SPATA13: variants seen among roughly 807,000 people sequenced by gnomAD.
The protein encoded by SPATA13 is spermatogenesis associated 13.
In SPATA13, 50 loss-of-function variants were observed where a neutral mutation model predicts 104.0. That is an observed-to-expected ratio of 0.48 (90% CI 0.38 to 0.61). The LOEUF (loss-of-function observed/expected upper bound fraction) is 0.61. Among genes scored for constraint, SPATA13 ranks in the 20% least tolerant of loss-of-function variants. The pLI is 0.00. For synonymous variants in SPATA13, 606 were observed against 667.5 expected, an observed-to-expected ratio of 0.91 and a Z score of 1.42; for missense variants, 1,524 against 1,690.6, an observed-to-expected ratio of 0.90 and a Z score of 1.73.
intron 3 of SPATA13, among the ~76,000 whole-genome samples, chr13:24,023,639 G>C (rs1184435488): frequency 6.6e-6 from 1 of 152,106 alleles, no homozygotes; most frequent in East Asian, 1.9e-4. Context: ...TAATAACAAG[G>C]GTCCTTAAAA....
chr13:24,012,918 G>T (rs1197507587), intron 2 of SPATA13, among the ~76,000 whole-genome samples: 1 of 152,192 alleles, frequency 6.6e-6, no homozygotes, highest in African/African-American at 2.4e-5. Context: ...GCTGTGGCTG[G>T]GGACAGGGCA....
intron 3 of SPATA13, among the ~76,000 whole-genome samples, chr13:24,063,648 G>C (rs1262314612): frequency 2.0e-5 from 3 of 152,192 alleles, no homozygotes; most frequent in Non-Finnish European, 2.9e-5. Context: ...CCACTCAAGT[G>C]GGGGCGGCTC....
intron 2 of SPATA13, among the ~76,000 whole-genome samples, chr13:24,000,323 A>G (rs549222163): frequency 6.6e-6 from 1 of 152,168 alleles, no homozygotes; most frequent in Non-Finnish European, 1.5e-5. Context: ...AAAGATAGAA[A>G]AGGTTTCAAA....
intron 2 of SPATA13, among the ~76,000 whole-genome samples, chr13:24,231,516 T>C (rs957352321): frequency 2.6e-5 from 4 of 152,222 alleles, no homozygotes; most frequent in African/African-American, 4.8e-5. Context: ...TTGATGGAGA[T>C]GGGTTGTTTC....
chr13:24,286,251 T>C lies in SPATA13; in HGVS notation c.2339T>C (p.Leu780Pro). 6.2e-7 allele frequency: 1 copy of C among 1,614,004 alleles called. No individual in the cohort carries two copies. The highest frequency in any genetic ancestry group is 1.7e-5 in the Admixed American group (1 of 60,028). The change falls in exon 6 of 13, where the codon CTG becomes CCG. Residue 780 changes from leucine (L) to proline (P), a missense_variant. Physicochemically the swap from Leu to Pro is moderately conservative, Grantham distance 98. Transcript: ENST00000382108. The surrounding 1 kb of genome is among the most constrained non-coding windows in gnomAD (Gnocchi z 4.9). ...GGCAACGTGGTCTGCGCAGAAGCCC[T>C]GTGGGACCATGTGACCATGGATGAC... ...SDGNVVCAEA[L>P]WDHVTMDDQE...
intron 3 of SPATA13, among the ~76,000 whole-genome samples, chr13:24,019,242 C>T (rs537219090): frequency 6.6e-6 from 1 of 151,456 alleles, no homozygotes; most frequent in African/African-American, 2.4e-5. Context: ...GCGCCCGCCA[C>T]TACGCCCAGC....
intron 4 of SPATA13, among the ~76,000 whole-genome samples, chr13:24,271,298 A>G (rs1874593532): frequency 6.6e-6 from 1 of 151,990 alleles, no homozygotes; most frequent in Admixed American, 6.6e-5. Flanking sequence ...TGCTGCTGAT[A>G]TTGTTACTGG....
Position 24,245,230 on chromosome 13 carries a change from T to C in SPATA13, c.1654-4247T>C, listed in dbSNP as rs79223075. ...GTTCCAAGTAGAATCGCAACCAAAC[T>C]ACATTCCCTGGAATGAACCTGGGTG... On this transcript the variant is annotated intron_variant, in intron 2 of 12. Transcript: ENST00000382108. Among the ~76,000 whole-genome samples, 760 of 151,944 alleles carry C rather than the reference T, an allele frequency of 5.0e-3. 6 individuals carry two copies. The highest frequency in any genetic ancestry group is 0.018 in the African/African-American group (738 of 41,398).
chr13:24,042,038 G>T (rs1291038966), intron 3 of SPATA13, among the ~76,000 whole-genome samples: 1 of 152,184 alleles, frequency 6.6e-6, no homozygotes, highest in Non-Finnish European at 1.5e-5. Context: ...GGGCACAGAG[G>T]CAGCCACGTG....
intron 3 of SPATA13, among the ~76,000 whole-genome samples, chr13:24,039,404 G>C (rs540656602): frequency 2.1e-4 from 32 of 152,300 alleles, no homozygotes; most frequent in African/African-American, 7.2e-4. Flanking sequence ...TCCTAAGAGA[G>C]CACAAATATA....
At chr13:24,019,289 C>T (rs1391633518) in intron 3 of SPATA13, among the ~76,000 whole-genome samples, 15 of 151,648 alleles carry the variant, frequency 9.9e-5, no homozygotes, top group Admixed American at 9.2e-4. Context: ...GGGGTTTCAC[C>T]GTTTTAGCCG....
At chr13:24,111,951 A>G (rs1045033050) in intron 3 of SPATA13, among the ~76,000 whole-genome samples, 4 of 152,192 alleles carry the variant, frequency 2.6e-5, no homozygotes, top group African/African-American at 9.7e-5. Context: ...CAATCAGCGG[A>G]AGCACTTTCT....
Position 24,286,325 on chromosome 13 carries a change from TC to T in SPATA13, c.2415del (p.Asn806ThrfsTer25). 1 of 1,613,514 alleles carries T rather than the reference TC, an allele frequency of 6.2e-7. No individual in the cohort carries two copies. The highest frequency in any genetic ancestry group is 1.1e-5 in the South Asian group (1 of 91,042). Reference sequence around the variant, plus strand: ...GGATGTCATCCAGGTTCTGGAAGCCTCCAACAAGGACTGGTGGTGGGGCCGC... The same window carrying T: ...GGATGTCATCCAGGTTCTGGAAGCCTCAACAAGGACTGGTGGTGGGGCCGC... ...AGDVIQVLEA[S>X]NKDWWWGRSE... On this transcript the variant is annotated frameshift_variant, in exon 6 of 13. Coordinates refer to ENST00000382108, the MANE Select transcript of SPATA13 (RefSeq NM_001166271.3). LOFTEE classifies it high-confidence loss of function. The surrounding 1 kb of genome is among the most constrained non-coding windows in gnomAD (Gnocchi z 4.9).
intron 1 of SPATA13, among the ~76,000 whole-genome samples, chr13:24,202,305 G>A (rs984245433): frequency 6.6e-6 from 1 of 151,662 alleles, no homozygotes; most frequent in Non-Finnish European, 1.5e-5. Flanking sequence ...CTGCCTCTGA[G>A]CCCCAGAACC....
At chr13:24,075,825 C>T (rs1000457430) in intron 3 of SPATA13, among the ~76,000 whole-genome samples, 3 of 152,138 alleles carry the variant, frequency 2.0e-5, no homozygotes, top group Admixed American at 2.0e-4. Context: ...GAAAGGAGAG[C>T]TGGGCCTGAA....
At chr13:24,227,770 C>G (rs1872027086) in intron 2 of SPATA13, among the ~76,000 whole-genome samples, 1 of 151,976 alleles carries the variant, frequency 6.6e-6, no homozygotes, top group Non-Finnish European at 1.5e-5. Context: ...AGGGTTTTGC[C>G]GTGTTGGTCA....
chr13:24,216,955 G>C (rs1424608261), intron 1 of SPATA13, among the ~76,000 whole-genome samples: 4 of 152,196 alleles, frequency 2.6e-5, no homozygotes, highest in African/African-American at 9.7e-5. Flanking sequence ...GGAGGCTGAG[G>C]TGGGAGGATC....
intron 3 of SPATA13, among the ~76,000 whole-genome samples, chr13:24,067,129 C>T (rs1450820468): frequency 1.3e-5 from 2 of 152,154 alleles, no homozygotes; most frequent in Non-Finnish European, 2.9e-5. Context: ...GCCCCACACC[C>T]CACCAAGCTG....
chr13:24,117,332 G>T (rs1432697880), intron 3 of SPATA13, among the ~76,000 whole-genome samples: 1 of 152,066 alleles, frequency 6.6e-6, no homozygotes, highest in Non-Finnish European at 1.5e-5. Context: ...GCCTTGTCCA[G>T]GTATTCTTCT....
Sources: gnomAD v4.1 joint callset for allele counts (sites outside exome capture counted in the v4.1 genomes callset) on GRCh38, gnomAD v4.1.1 for gene constraint, Gnocchi (gnomAD v3.1) non-coding constraint, MANE v1.5 for transcripts, NCBI Gene and HGNC (gene_info 2026-07-23, HGNC 2026-07-21) for gene names.